The following BCAS3 variants were observed in gnomAD, a reference collection of about 807,000 sequenced individuals.
BCAS3 encodes the protein BCAS3 microtubule associated cell migration factor.
In BCAS3, 53 loss-of-function variants were observed where a neutral mutation model predicts 116.1. The observed-to-expected ratio is 0.46, with a 90% CI of 0.37 to 0.57. The LOEUF (loss-of-function observed/expected upper bound fraction) is 0.57, where lower values mean the gene tolerates loss of function less well. Among genes scored for constraint, BCAS3 ranks in the 20% least tolerant of loss-of-function variants. The pLI is 0.00. For synonymous variants in BCAS3, 391 were observed against 408.2 expected, an observed-to-expected ratio of 0.96 and a Z score of 0.51; for missense variants, 917 against 1,165.4, an observed-to-expected ratio of 0.79 and a Z score of 3.10.
chr17:61,253,522 A>G (rs569097246), intron 22 of BCAS3, among the ~76,000 whole-genome samples: 5 of 152,192 alleles, frequency 3.3e-5, no homozygotes, highest in African/African-American at 1.2e-4. Flanking sequence ...TCTTATTGCT[A>G]CTACTATTTC....
rs1022030244 is a variant in BCAS3, at chr17:61,361,194, A to T, written c.2426-7133A>T. Among the ~76,000 whole-genome samples the T allele has an allele frequency of 1.5e-5, 2 of 133,868 alleles. No individual in the cohort carries two copies. The highest frequency in any genetic ancestry group is 3.1e-5 in the Non-Finnish European group (2 of 64,856). The allele number at this position is 133,868 out of a possible 152,430, so 87.8% of individuals were successfully genotyped here. The stretch of plus-strand genomic sequence containing the variant: ...ATTCTGCTGAGAGAGAAAAAGAATT[A>T]AAAAAAAAAAAAGAAAAGACCCAGA... On this transcript the variant is annotated intron_variant, in intron 22 of 23. Transcript: ENST00000407086. The surrounding 1 kb of genome is among the most constrained non-coding windows in gnomAD (Gnocchi z 6.5).
At chr17:61,137,910 C>G (rs1240960804) in intron 22 of BCAS3, among the ~76,000 whole-genome samples, 1 of 152,210 alleles carries the variant, frequency 6.6e-6, no homozygotes, top group African/African-American at 2.4e-5. Flanking sequence ...TGAGGAGCCA[C>G]TGTTTTCTTC....
rs540190918 is a variant in BCAS3, at chr17:61,213,701, T to C, written c.2425+129137T>C. Among the ~76,000 whole-genome samples the C allele has an allele frequency of 1.3e-5, 2 of 152,314 alleles. No homozygotes were observed. The highest frequency in any genetic ancestry group is 4.8e-5 in the African/African-American group (2 of 41,570). ...TAGTGAAAGAAGGTTGGAGGAGGAC[T>C]GTACAGATGGATAGATGTACATTTA... is the stretch of plus-strand genomic sequence containing the variant. On this transcript the variant is annotated intron_variant, in intron 22 of 23. Coordinates refer to ENST00000407086, the MANE Select transcript of BCAS3 (RefSeq NM_017679.5). This position sits in a 1 kb window ranked among gnomAD's most constrained non-coding sequence, Gnocchi z 5.4.
At chr17:60,801,683 T>C (rs1341257678) in intron 6 of BCAS3, among the ~76,000 whole-genome samples, 3 of 152,220 alleles carry the variant, frequency 2.0e-5, no homozygotes, top group Non-Finnish European at 4.4e-5. Flanking sequence ...TAACAATCTG[T>C]TTCTTCTCTG....
intron 16 of BCAS3, among the ~76,000 whole-genome samples, chr17:61,022,570 G>A (rs1013106577): frequency 6.6e-6 from 1 of 151,818 alleles, no homozygotes; most frequent in Non-Finnish European, 1.5e-5. Context: ...AAGTCAGCAG[G>A]CATAAATTTC....
At chr17:60,875,456 C>T (rs563061709) in intron 9 of BCAS3, among the ~76,000 whole-genome samples, 40 of 152,116 alleles carry the variant, frequency 2.6e-4, no homozygotes, top group African/African-American at 9.1e-4. Context: ...GAAGTTGGCA[C>T]ATTTTCAAAG....
At chr17:60,862,225 G>A (rs2054218113) in intron 7 of BCAS3, among the ~76,000 whole-genome samples, 1 of 152,212 alleles carries the variant, frequency 6.6e-6, no homozygotes, top group Non-Finnish European at 1.5e-5. Context: ...GGAGCTTGCA[G>A]TGAGCCTAGA....
intron 6 of BCAS3, among the ~76,000 whole-genome samples, chr17:60,789,775 C>T (rs2046598743): frequency 6.6e-6 from 1 of 152,026 alleles, no homozygotes; most frequent in Non-Finnish European, 1.5e-5. Flanking sequence ...CATTAGGCAT[C>T]ATGAAGAATG....
At chr17:61,157,334 A>G (rs1310044123) in intron 22 of BCAS3, 2 of 152,184 alleles carry the variant, frequency 1.3e-5, no homozygotes, top group East Asian at 3.8e-4. Context: ...TTGATTTCTA[A>G]GTACTTTTCC....
Position 60,911,123 on chromosome 17 carries a change from C to CTTTTTTTTTTTTTTT in BCAS3, c.993+424_993+438dup, listed in dbSNP as rs1162942971. ...AATAAATTTTTTTCTTTTTTTCTTT[C>CTTTTTTTTTTTTTTT]TTTTTTTTTTTTTTTTTGAGATGGA... On this transcript the variant is annotated intron_variant, in intron 12 of 23. Coordinates refer to ENST00000407086, the MANE Select transcript of BCAS3 (RefSeq NM_017679.5). 1.4e-3 allele frequency among the ~76,000 whole-genome samples: 125 copies of CTTTTTTTTTTTTTTT among 88,234 alleles called. 8 individuals carry two copies. Among genetic ancestry groups the CTTTTTTTTTTTTTTT allele is most frequent in the Middle Eastern group, 0.013 (1 of 78 alleles). The allele number at this position is 88,234 out of a possible 152,430, so 57.9% of individuals were successfully genotyped here. A position where few individuals can be genotyped will look rare whatever the true frequency, so the allele number is the denominator to read the frequency against.
chr17:60,919,993 C>G (rs1304186008), intron 12 of BCAS3, among the ~76,000 whole-genome samples: 1 of 152,088 alleles, frequency 6.6e-6, no homozygotes, highest in Non-Finnish European at 1.5e-5. Context: ...AAATGGCAAA[C>G]TTAAAATCCA....
At chr17:61,291,690 C>T (rs1602458225) in intron 22 of BCAS3, among the ~76,000 whole-genome samples, 2 of 152,156 alleles carry the variant, frequency 1.3e-5, no homozygotes, top group Admixed American at 6.5e-5. Flanking sequence ...GTTTGTGCTT[C>T]GTGTACACTT....
At chr17:60,760,156 A>G (rs1160490924) in intron 6 of BCAS3, among the ~76,000 whole-genome samples, 2 of 152,210 alleles carry the variant, frequency 1.3e-5, no homozygotes, top group Non-Finnish European at 2.9e-5. Flanking sequence ...TTTTAAGCAG[A>G]TAATTTAATC....
chr17:61,000,698 A>C (rs1568083758), intron 15 of BCAS3, among the ~76,000 whole-genome samples: 1 of 152,168 alleles, frequency 6.6e-6, no homozygotes, highest in African/African-American at 2.4e-5. Context: ...AATTCACTAA[A>C]TAATGAGTAA....
intron 22 of BCAS3, among the ~76,000 whole-genome samples, chr17:61,190,930 G>T (rs1262417932): frequency 1.3e-5 from 2 of 152,120 alleles, no homozygotes; most frequent in African/African-American, 2.4e-5. Flanking sequence ...AAGTAGCTGG[G>T]TGTGATGGCA....
intron 15 of BCAS3, among the ~76,000 whole-genome samples, chr17:61,005,875 C>G (rs1352779988): frequency 6.6e-6 from 1 of 150,626 alleles, no homozygotes; most frequent in Non-Finnish European, 1.5e-5. Flanking sequence ...TATACATGTG[C>G]CATGCTGGTG....
chr17:60,946,226 A>G (rs1381213978), intron 13 of BCAS3, among the ~76,000 whole-genome samples: 5 of 152,232 alleles, frequency 3.3e-5, no homozygotes, highest in Non-Finnish European at 7.3e-5. Flanking sequence ...GAACAATTGG[A>G]CATCTTATGC....
chr17:61,074,823 C>T, intron 19 of BCAS3, 97 bp from the exon 20 acceptor site: 2 of 650,456 alleles, frequency 3.1e-6, no homozygotes, highest in Non-Finnish European at 5.0e-6. Flanking sequence ...TATATTTTAT[C>T]TTATAAATTA....
Position 61,023,827 on chromosome 17 carries a change from T to C in BCAS3, c.1637+7926T>C, listed in dbSNP as rs972404920. On this transcript the variant is annotated intron_variant, in intron 16 of 23. Coordinates refer to ENST00000407086, the MANE Select transcript of BCAS3 (RefSeq NM_017679.5). The surrounding 1 kb of genome is among the most constrained non-coding windows in gnomAD (Gnocchi z 4.8). ...TCTCTTGACCAGATTTTCCTGAGAT[T>C]TGAAAATCAGAATTCAGGTCAAAAA... Among the ~76,000 whole-genome samples the C allele has an allele frequency of 6.6e-6, 1 of 152,160 alleles. No homozygotes were observed. The highest frequency in any genetic ancestry group is 2.4e-5 in the African/African-American group (1 of 41,438).
Sources: gnomAD v4.1 joint callset for allele counts (sites outside exome capture counted in the v4.1 genomes callset) on GRCh38, gnomAD v4.1.1 for gene constraint, Gnocchi (gnomAD v3.1) non-coding constraint, MANE v1.5 for transcripts, NCBI Gene and HGNC (gene_info 2026-07-23, HGNC 2026-07-21) for gene names.